CTNND2: variants seen among roughly 807,000 people sequenced by gnomAD.
The protein encoded by CTNND2 is catenin delta-2.
Under a neutral mutation model 144.4 loss-of-function variants are expected in CTNND2, and 22 were observed. That is an observed-to-expected ratio of 0.15 (90% CI 0.11 to 0.22). CTNND2 has a LOEUF of 0.22. Among genes scored for constraint, CTNND2 ranks in the 10% least tolerant of loss-of-function variants. The pLI, the probability that CTNND2 is intolerant of heterozygous loss-of-function variation, is 1.00. For synonymous variants in CTNND2, 751 were observed against 695.6 expected (o/e 1.08, Z -1.25); for missense variants, 1,353 against 1,618.8 (o/e 0.84, Z 2.82).
intron 2 of CTNND2, among the ~76,000 whole-genome samples, chr5:11,663,190 TA>T (rs1461370588): frequency 1.3e-5 from 2 of 152,188 alleles, no homozygotes; most frequent in African/African-American, 4.8e-5. Flanking sequence ...CGTGGCATCA[TA>T]AAAAATGTGT....
At chr5:11,600,633 G>A (rs1194400546) in intron 2 of CTNND2, among the ~76,000 whole-genome samples, 1 of 148,634 alleles carries the variant, frequency 6.7e-6, no homozygotes, top group East Asian at 2.0e-4. Flanking sequence ...TTGAACCTGG[G>A]AGGCAGAGGT....
intron 9 of CTNND2, among the ~76,000 whole-genome samples, chr5:11,309,693 T>C (rs964813966): frequency 2.0e-5 from 3 of 152,176 alleles, no homozygotes; most frequent in African/African-American, 7.2e-5. Flanking sequence ...TATTTTGCTA[T>C]GTGAGAAGGA....
At chr5:11,401,456 C>T (rs1378532537) in intron 5 of CTNND2, among the ~76,000 whole-genome samples, 1 of 152,188 alleles carries the variant, frequency 6.6e-6, no homozygotes, top group Non-Finnish European at 1.5e-5. Context: ...GTCACAACCA[C>T]ACTAATGGAG....
chr5:11,770,866 A>G (rs1422311118), intron 1 of CTNND2, among the ~76,000 whole-genome samples: 1 of 152,178 alleles, frequency 6.6e-6, no homozygotes, highest in East Asian at 1.9e-4. Flanking sequence ...GGGTGAGAAG[A>G]GAGACAGAGA....
At chr5:11,490,741 G>A (rs1769309055) in intron 3 of CTNND2, among the ~76,000 whole-genome samples, 1 of 152,148 alleles carries the variant, frequency 6.6e-6, no homozygotes, top group African/African-American at 2.4e-5. Flanking sequence ...TATCAGGATT[G>A]ACCACAGTTC....
chr5:11,616,435 G>A (rs1046436361), intron 2 of CTNND2, among the ~76,000 whole-genome samples: 4 of 152,082 alleles, frequency 2.6e-5, no homozygotes, highest in African/African-American at 9.7e-5. Context: ...GTATCTGATG[G>A]TTAACTACAC....
At chr5:11,636,289 T>A (rs1781700404) in intron 2 of CTNND2, among the ~76,000 whole-genome samples, 1 of 152,200 alleles carries the variant, frequency 6.6e-6, no homozygotes, top group Admixed American at 6.5e-5. Context: ...GAATCATTGT[T>A]CAGTAGCTGT....
intron 9 of CTNND2, among the ~76,000 whole-genome samples, chr5:11,304,128 T>C (rs892017199): frequency 6.7e-6 from 1 of 148,970 alleles, no homozygotes; most frequent in Non-Finnish European, 1.5e-5. Flanking sequence ...GTCTTGAGTA[T>C]GTCTTTATCA....
At chr5:11,234,993 T>C (rs138312446) in intron 10 of CTNND2, among the ~76,000 whole-genome samples, 32 of 152,302 alleles carry the variant, frequency 2.1e-4, no homozygotes, top group African/African-American at 7.5e-4. Flanking sequence ...AAGACAATTT[T>C]GGACATGCCT....
At chr5:11,626,130 T>C (rs981030594) in intron 2 of CTNND2, among the ~76,000 whole-genome samples, 3 of 152,112 alleles carry the variant, frequency 2.0e-5, no homozygotes, top group Non-Finnish European at 4.4e-5. Flanking sequence ...CCAACTCAAA[T>C]GCCAGAACTC....
intron 16 of CTNND2, among the ~76,000 whole-genome samples, chr5:11,062,524 A>G (rs758976598): frequency 4.1e-4 from 62 of 152,356 alleles, no homozygotes; most frequent in Non-Finnish European, 7.6e-4. Context: ...CTGCAGCTCA[A>G]AAATGGCATT....
intron 2 of CTNND2, among the ~76,000 whole-genome samples, chr5:11,668,667 G>C (rs1561675802): frequency 6.6e-6 from 1 of 152,184 alleles, no homozygotes. Context: ...ATTTGGGCTT[G>C]AGATGATGGG....
chr5:11,379,838 T>C (rs1432342098), intron 7 of CTNND2, among the ~76,000 whole-genome samples: 1 of 152,146 alleles, frequency 6.6e-6, no homozygotes, highest in East Asian at 1.9e-4. Context: ...GTCTGCTGGA[T>C]GGATAAAACG....
Position 11,840,315 on chromosome 5 carries a change from C to T in CTNND2, c.37+63502G>A, listed in dbSNP as rs2067657. On this transcript the variant is annotated intron_variant, in intron 1 of 21. Transcript: ENST00000304623. ...GCATAAATAATGTTTCTTTGTCAAACATTAATTGTTTACTACTATGTATTG... is the reference window on the plus strand; with the variant it reads ...GCATAAATAATGTTTCTTTGTCAAATATTAATTGTTTACTACTATGTATTG... Among the ~76,000 whole-genome samples, 659 of 152,202 alleles carry T rather than the reference C, an allele frequency of 4.3e-3. 9 individuals carry two copies. Among genetic ancestry groups the T allele is most frequent in the African/African-American group, 0.014 (592 of 41,538 alleles).
At chr5:11,786,630 T>C (rs1468088841) in intron 1 of CTNND2, among the ~76,000 whole-genome samples, 1 of 152,202 alleles carries the variant, frequency 6.6e-6, no homozygotes, top group Non-Finnish European at 1.5e-5. Context: ...GCTAGGATAA[T>C]TAAAGAAAGT....
intron 14 of CTNND2, among the ~76,000 whole-genome samples, chr5:11,105,682 A>G (rs969859835): frequency 6.6e-6 from 1 of 152,254 alleles, no homozygotes; most frequent in Non-Finnish European, 1.5e-5. Context: ...GTGATGGGCT[A>G]TATCTTCCAC....
chr5:11,202,789 T>C (rs566746914), intron 10 of CTNND2, among the ~76,000 whole-genome samples: 1 of 152,084 alleles, frequency 6.6e-6, no homozygotes, highest in Non-Finnish European at 1.5e-5. Flanking sequence ...TTTCTCCAAT[T>C]TCTTTTTTTT....
At chr5:11,338,924 ATTTTTTTTTTTTTTT>A (rs1466619863) in intron 9 of CTNND2, among the ~76,000 whole-genome samples, 1 of 4,096 alleles carries the variant, frequency 2.4e-4, no homozygotes, top group Non-Finnish European at 3.2e-4. Context: ...CAGTTCCTTC[ATTTTTTTTTTTTTTT>A]TTTTTTTTTT....
intron 2 of CTNND2, among the ~76,000 whole-genome samples, chr5:11,594,264 CAT>C (rs1779399299): frequency 6.6e-6 from 1 of 152,182 alleles, no homozygotes; most frequent in African/African-American, 2.4e-5. Flanking sequence ...GTCTCACACA[CAT>C]AACAGTGAGC....
Sources: allele counts gnomAD v4.1 joint callset (sites outside exome capture counted in the v4.1 genomes callset), GRCh38; gene constraint gnomAD v4.1.1; transcripts MANE v1.5; gene names NCBI Gene and HGNC (gene_info 2026-07-23, HGNC 2026-07-21).